Variants in MSRA observed in about 807,000 individuals in gnomAD.
MSRA encodes the protein methionine sulfoxide reductase A.
A neutral mutation model predicts 31.3 loss-of-function variants in MSRA; 54 were observed. The ratio of observed to expected loss-of-function variants is 1.73; its 90% CI spans 1.39 to 2.17. MSRA has a LOEUF of 2.17. Among genes scored for constraint, MSRA ranks in the 30% most tolerant of loss-of-function variants. MSRA has a pLI of 0.00. For synonymous variants in MSRA, 169 were observed against 116.5 expected (o/e 1.45, Z -2.90); for missense variants, 507 against 300.9 (o/e 1.69, Z -5.07).
chr8:10,259,700 T>C (rs899597024), intron 3 of MSRA, among the ~76,000 whole-genome samples: 1 of 152,164 alleles, frequency 6.6e-6, no homozygotes, highest in African/African-American at 2.4e-5. Context: ...GACTAGGGTT[T>C]CCTGGGGAAA....
intron 1 of MSRA, among the ~76,000 whole-genome samples, chr8:10,180,702 T>A (rs1221428300): frequency 6.6e-6 from 1 of 152,168 alleles, no homozygotes; most frequent in Non-Finnish European, 1.5e-5. Flanking sequence ...AAATACATAT[T>A]CCTTTTTGTG....
At chr8:10,326,321 G>A (rs548844661) in intron 5 of MSRA, 2 of 152,206 alleles carry the variant, frequency 1.3e-5, no homozygotes, top group Non-Finnish European at 2.9e-5. Context: ...CTAATTAGAT[G>A]TGCAGTACTG....
intron 3 of MSRA, among the ~76,000 whole-genome samples, chr8:10,293,979 G>A (rs568955548): frequency 6.6e-6 from 1 of 152,232 alleles, no homozygotes; most frequent in East Asian, 1.9e-4. Flanking sequence ...CGAGGTGGGA[G>A]GATCACCTGA....
intron 5 of MSRA, among the ~76,000 whole-genome samples, chr8:10,410,325 G>A (rs915706398): frequency 1.3e-5 from 2 of 152,124 alleles, no homozygotes; most frequent in Non-Finnish European, 2.9e-5. Flanking sequence ...TCACTTGTTT[G>A]GGGGGTGCCG....
intron 5 of MSRA, among the ~76,000 whole-genome samples, chr8:10,395,921 T>A (rs972979345): frequency 4.6e-5 from 7 of 152,114 alleles, no homozygotes; most frequent in Non-Finnish European, 1.0e-4. Flanking sequence ...TTCACAAAGG[T>A]TCCAGTTTCT....
intron 3 of MSRA, among the ~76,000 whole-genome samples, chr8:10,246,201 A>C (rs1021698180): frequency 1.3e-5 from 2 of 152,194 alleles, no homozygotes; most frequent in African/African-American, 4.8e-5. Flanking sequence ...GAGTGCTTGC[A>C]ACCAACTATG....
intron 3 of MSRA, among the ~76,000 whole-genome samples, chr8:10,279,521 G>A (rs929700473): frequency 6.6e-6 from 1 of 151,922 alleles, no homozygotes; most frequent in Admixed American, 6.6e-5. Flanking sequence ...CCCCCCACAC[G>A]CCTTCTCTGT....
At chr8:10,166,048 G>A (rs1464242214) in intron 1 of MSRA, among the ~76,000 whole-genome samples, 2 of 152,182 alleles carry the variant, frequency 1.3e-5, no homozygotes, top group Non-Finnish European at 2.9e-5. Flanking sequence ...TGTGGGCACA[G>A]GATGGACCCT....
chr8:10,350,876 T>A (rs553686684), intron 5 of MSRA, among the ~76,000 whole-genome samples: 9 of 152,326 alleles, frequency 5.9e-5, no homozygotes, highest in African/African-American at 1.7e-4. Flanking sequence ...TAGTCAGCTG[T>A]CAGGGAGGGG....
intron 1 of MSRA, among the ~76,000 whole-genome samples, chr8:10,075,064 T>A (rs1162394664): frequency 6.6e-6 from 1 of 152,268 alleles, no homozygotes; most frequent in Non-Finnish European, 1.5e-5. Flanking sequence ...TCTTTACTAC[T>A]CATTTGGTAT....
chr8:10,111,216 A>G (rs2220149), intron 1 of MSRA, among the ~76,000 whole-genome samples: 1 of 151,962 alleles, frequency 6.6e-6, no homozygotes, highest in Non-Finnish European at 1.5e-5. Context: ...TGATGGCAGT[A>G]CATGAATGTA....
chr8:10,401,595 A>T (rs950755177), intron 5 of MSRA, among the ~76,000 whole-genome samples: 1 of 152,220 alleles, frequency 6.6e-6, no homozygotes, highest in African/African-American at 2.4e-5. Flanking sequence ...GCAGGGATTC[A>T]AACCTGTACA....
chr8:10,097,002 T>C lies in MSRA; in HGVS notation c.142+42344T>C, dbSNP rs994255450. Among the ~76,000 whole-genome samples, 9 of 152,330 alleles carry C rather than the reference T, an allele frequency of 5.9e-5. 1 individual carries two copies. The South Asian group carries it at 1.9e-3, about 32-fold the overall frequency. On this transcript the variant is annotated intron_variant, in intron 1 of 5. Transcript: ENST00000317173. Reference sequence around the variant, plus strand: ...GGCAGTATAAAAGACTGCCCCTGGATCTGTGCTTTTGTTTGGAGTATGTAA... The same window carrying C: ...GGCAGTATAAAAGACTGCCCCTGGACCTGTGCTTTTGTTTGGAGTATGTAA...
intron 5 of MSRA, among the ~76,000 whole-genome samples, chr8:10,355,706 C>T (rs574528790): frequency 6.6e-6 from 1 of 152,008 alleles, no homozygotes; most frequent in East Asian, 1.9e-4. Context: ...TCCTGGGTGC[C>T]CTTGGAAAGC....
At chr8:10,114,374 T>G (rs1800521231) in intron 1 of MSRA, among the ~76,000 whole-genome samples, 1 of 152,226 alleles carries the variant, frequency 6.6e-6, no homozygotes, top group Non-Finnish European at 1.5e-5. Context: ...TTTTGGGCCA[T>G]TTGGCAACCT....
rs1335528273 is a variant in MSRA, at chr8:10,428,512, T to C, written c.*200T>C. 1.4e-5 allele frequency: 8 copies of C among 572,806 alleles called. No homozygotes were observed. Among genetic ancestry groups the C allele is most frequent in the African/African-American group, 3.8e-5 (2 of 53,056 alleles). The allele number at this position is 572,806 out of a possible 1,614,324, so 35.5% of individuals were successfully genotyped here. On this transcript the variant is annotated 3_prime_UTR_variant, in exon 6 of 6. Transcript: ENST00000317173. ...ATGTGACTTATCTCCTAATAAGTTA[T>C]GGTGGGAGTGGAGCTGTGCAGTTTC...
chr8:10,393,630 C>T (rs1336786408), intron 5 of MSRA, among the ~76,000 whole-genome samples: 2 of 152,178 alleles, frequency 1.3e-5, no homozygotes, highest in African/African-American at 2.4e-5. Flanking sequence ...GTCTTCTGTG[C>T]ATGTGATTAT....
chr8:10,312,529 T>C (rs1007629725), intron 4 of MSRA, among the ~76,000 whole-genome samples: 8 of 152,168 alleles, frequency 5.3e-5, no homozygotes, highest in African/African-American at 1.9e-4. Context: ...TTTCAAGAGA[T>C]TAGAGAGAGA....
intron 1 of MSRA, among the ~76,000 whole-genome samples, chr8:10,159,316 G>T (rs1055738787): frequency 1.3e-5 from 2 of 152,086 alleles, no homozygotes; most frequent in Non-Finnish European, 2.9e-5. Flanking sequence ...GTGCAGATCT[G>T]GAGGGGTTGA....
Sources: gnomAD v4.1 joint callset for allele counts (sites outside exome capture counted in the v4.1 genomes callset) on GRCh38, gnomAD v4.1.1 for gene constraint, MANE v1.5 for transcripts, NCBI Gene and HGNC (gene_info 2026-07-23, HGNC 2026-07-21) for gene names.